The following SKIC3 variants were observed in gnomAD, a reference collection of about 807,000 sequenced individuals.
SKIC3 encodes the protein superkiller complex protein 3.
At chr5:95,468,074 T>C in the SKIC3 span, 1 of 1,540,122 alleles carries the variant, frequency 6.5e-7, no homozygotes, top group Non-Finnish European at 8.8e-7. Context: ...ACACATTATC[T>C]TTCTCATATT....
the SKIC3 span, among the ~76,000 whole-genome samples, chr5:95,517,932 T>C: frequency 6.6e-6 from 1 of 151,924 alleles, no homozygotes; most frequent in South Asian, 2.1e-4. Context: ...CAGCTCCTGA[T>C]AAAAGGGTAG....
At chr5:95,470,071 A>G in the SKIC3 span, among the ~76,000 whole-genome samples, 4 of 149,904 alleles carry the variant, frequency 2.7e-5, no homozygotes, top group Admixed American at 6.7e-5. Flanking sequence ...TCTGCCTCCC[A>G]GGTTCCCGCC....
the SKIC3 span, among the ~76,000 whole-genome samples, chr5:95,476,155 T>G: frequency 6.6e-3 from 1,003 of 152,298 alleles, 12 homozygotes; most frequent in African/African-American, 0.023. Context: ...AACCCATGCA[T>G]CTCACCCCTC....
the SKIC3 span, chr5:95,495,620 G>T: frequency 1.3e-5 from 2 of 152,538 alleles, no homozygotes; most frequent in African/African-American, 4.8e-5. Context: ...TAATTTTAGA[G>T]TCGAGTAACA....
chr5:95,548,158 T>C, the SKIC3 span, among the ~76,000 whole-genome samples: 6 of 152,006 alleles, frequency 3.9e-5, no homozygotes, highest in African/African-American at 1.4e-4. Context: ...AAAGAAATAT[T>C]TGTATTTTCT....
At chr5:95,509,305 G>A in the SKIC3 span, among the ~76,000 whole-genome samples, 8 of 152,220 alleles carry the variant, frequency 5.3e-5, no homozygotes, top group Non-Finnish European at 8.8e-5. Flanking sequence ...AGTTAGGCAC[G>A]CAGACACACT....
At chr5:95,500,053 T>G in the SKIC3 span, among the ~76,000 whole-genome samples, 1 of 152,178 alleles carries the variant, frequency 6.6e-6, no homozygotes, top group Non-Finnish European at 1.5e-5. Context: ...TTTTATTTTA[T>G]GGGCAAATAA....
the SKIC3 span, among the ~76,000 whole-genome samples, chr5:95,519,639 T>C: frequency 1.3e-5 from 2 of 152,168 alleles, no homozygotes; most frequent in East Asian, 3.9e-4. Context: ...TATCTATAAA[T>C]TGAAGTAACT....
chr5:95,464,211 A>G, the SKIC3 span: 1 of 155,356 alleles, frequency 6.4e-6, no homozygotes, highest in Admixed American at 6.4e-5. Flanking sequence ...ATTTTTAACA[A>G]AAGAAAATTG....
At chr5:95,543,882 T>C in the SKIC3 span, among the ~76,000 whole-genome samples, 5 of 152,224 alleles carry the variant, frequency 3.3e-5, no homozygotes, top group Non-Finnish European at 5.9e-5. Context: ...AAAAATTATA[T>C]GTAGAGATAA....
chr5:95,477,187 T>C, the SKIC3 span, among the ~76,000 whole-genome samples: 4 of 149,830 alleles, frequency 2.7e-5, no homozygotes, highest in African/African-American at 1.0e-4. Context: ...AATAGTGAAC[T>C]ACAATTAGTT....
chr5:95,507,042 T>C, the SKIC3 span: 8 of 1,582,260 alleles, frequency 5.1e-6, no homozygotes, highest in African/African-American at 6.7e-5. Context: ...TTAATTTATC[T>C]CTGTGCAATA....
At chr5:95,532,890 T>A in the SKIC3 span, among the ~76,000 whole-genome samples, 242 of 152,268 alleles carry the variant, frequency 1.6e-3, no homozygotes, top group African/African-American at 5.6e-3. Context: ...AGTCGGTTTT[T>A]AAAAAATTAA....
the SKIC3 span, among the ~76,000 whole-genome samples, chr5:95,474,156 G>A: frequency 6.6e-6 from 1 of 152,102 alleles, no homozygotes; most frequent in African/African-American, 2.4e-5. Context: ...GCAATTTATT[G>A]AATAGGGGAG....
At chr5:95,539,534 G>A in the SKIC3 span, among the ~76,000 whole-genome samples, 1 of 152,086 alleles carries the variant, frequency 6.6e-6, no homozygotes, top group Non-Finnish European at 1.5e-5. Flanking sequence ...GGAAAACAGT[G>A]CGGAGACTCC....
chr5:95,514,440 T>C, the SKIC3 span, among the ~76,000 whole-genome samples: 1 of 152,198 alleles, frequency 6.6e-6, no homozygotes, highest in Non-Finnish European at 1.5e-5. Flanking sequence ...ATGAAGATTT[T>C]ACAGAAACAT....
the SKIC3 span, chr5:95,513,733 G>C: frequency 2.3e-6 from 3 of 1,290,886 alleles, no homozygotes; most frequent in East Asian, 4.6e-5. Flanking sequence ...AGAACCAAAG[G>C]TTTACTAGCT....
At chr5:95,499,631 C>T in the SKIC3 span, among the ~76,000 whole-genome samples, 1 of 151,876 alleles carries the variant, frequency 6.6e-6, no homozygotes, top group Admixed American at 6.6e-5. Context: ...TGTTGAGTTC[C>T]AATAAAATCT....
At chr5:95,509,484 A>G in the SKIC3 span, 1 of 819,712 alleles carries the variant, frequency 1.2e-6, no homozygotes, top group East Asian at 2.7e-5. Context: ...AATGGCGTGA[A>G]CATCCCCTGG....
Sources: allele counts gnomAD v4.1 joint callset (sites outside exome capture counted in the v4.1 genomes callset), GRCh38; gene constraint gnomAD v4.1.1; transcripts MANE v1.5; gene names NCBI Gene and HGNC (gene_info 2026-07-23, HGNC 2026-07-21).